NELL1: variants seen among roughly 807,000 people sequenced by gnomAD.
The protein encoded by NELL1 is protein kinase C-binding protein NELL1.
In NELL1, 76 loss-of-function variants were observed where a neutral mutation model predicts 107.4. That is an observed-to-expected ratio of 0.71 (90% CI 0.59 to 0.86). NELL1 has a LOEUF of 0.86. NELL1 is among the 40% of genes least tolerant of loss of function. NELL1 has a pLI of 0.00. For synonymous variants in NELL1, 353 were observed against 341.2 expected (o/e 1.03, Z -0.38); for missense variants, 1,024 against 1,005.5 (o/e 1.02, Z -0.25).
At chr11:21,090,144 T>C (rs986307286) in intron 12 of NELL1, among the ~76,000 whole-genome samples, 1 of 151,960 alleles carries the variant, frequency 6.6e-6, no homozygotes, top group African/African-American at 2.4e-5. Context: ...ATAAATAGAG[T>C]CTACAAAGAA....
At chr11:20,800,687 C>T (rs186171465) in intron 3 of NELL1, among the ~76,000 whole-genome samples, 346 of 152,250 alleles carry the variant, frequency 2.3e-3, no homozygotes, top group Non-Finnish European at 3.9e-3. Flanking sequence ...TGGAGAGCCT[C>T]ATCTCTAAGA....
At chr11:20,893,369 GTT>G (rs34392122) in intron 5 of NELL1, among the ~76,000 whole-genome samples, 1 of 144,544 alleles carries the variant, frequency 6.9e-6, no homozygotes. Context: ...TGTATCCCGT[GTT>G]TTTTTTTTTA....
intron 2 of NELL1, among the ~76,000 whole-genome samples, chr11:20,733,210 T>C (rs1219958938): frequency 6.6e-6 from 1 of 152,220 alleles, no homozygotes; most frequent in African/African-American, 2.4e-5. Context: ...TGTTCTCTCC[T>C]ACATCTGTTG....
intron 13 of NELL1, among the ~76,000 whole-genome samples, chr11:21,157,276 G>A (rs889653465): frequency 1.3e-5 from 2 of 151,548 alleles, no homozygotes; most frequent in Admixed American, 1.3e-4. Flanking sequence ...GCTTGTCCTT[G>A]CTGACTCACT....
chr11:20,817,894 T>C (rs1217445826), intron 3 of NELL1, among the ~76,000 whole-genome samples: 2 of 152,072 alleles, frequency 1.3e-5, no homozygotes, highest in Non-Finnish European at 1.5e-5. Context: ...CAGGAACTAG[T>C]TGTTTAATTT....
rs150601959 is a variant in NELL1, at chr11:21,444,946, G to A, written c.1645+73998G>A. 2.9e-3 allele frequency among the ~76,000 whole-genome samples: 440 copies of A among 152,080 alleles called. 2 individuals are homozygous for A. Among genetic ancestry groups the A allele is most frequent in the African/African-American group, 0.01 (423 of 41,518 alleles). On this transcript the variant is annotated intron_variant, in intron 15 of 19. Transcript: ENST00000357134. ...TTTAGGTATACATTGTACATTTTTA[G>A]ATTTGAGATTACCATGAGGTTTACA...
intron 13 of NELL1, among the ~76,000 whole-genome samples, chr11:21,182,788 G>A (rs890730462): frequency 6.6e-6 from 1 of 151,698 alleles, no homozygotes; most frequent in Non-Finnish European, 1.5e-5. Context: ...GTAAAGAGAG[G>A]CTGGCCAGCT....
At chr11:21,255,628 C>G (rs1164696800) in intron 14 of NELL1, among the ~76,000 whole-genome samples, 4 of 152,052 alleles carry the variant, frequency 2.6e-5, no homozygotes, top group African/African-American at 9.7e-5. Context: ...CCTGTGTCTC[C>G]TCTTCCTTTC....
intron 12 of NELL1, among the ~76,000 whole-genome samples, chr11:21,007,524 AGCTTTTT>A (rs1852355835): frequency 6.6e-6 from 1 of 151,992 alleles, no homozygotes; most frequent in Non-Finnish European, 1.5e-5. Flanking sequence ...CCTTGCCTGG[AGCTTTTT>A]GCATGCATAT....
intron 5 of NELL1, among the ~76,000 whole-genome samples, chr11:20,914,409 G>T (rs750464850): frequency 6.6e-6 from 1 of 152,024 alleles, no homozygotes; most frequent in Non-Finnish European, 1.5e-5. Context: ...TTTCTGATCG[G>T]CTATTGGTTG....
chr11:21,069,299 T>A (rs961678275), intron 12 of NELL1, among the ~76,000 whole-genome samples: 16 of 152,004 alleles, frequency 1.1e-4, no homozygotes, highest in Non-Finnish European at 1.8e-4. Flanking sequence ...TTAGAAAAAA[T>A]AAAAAAGAAA....
intron 3 of NELL1, among the ~76,000 whole-genome samples, chr11:20,829,736 G>T (rs77073475): frequency 0.015 from 2,244 of 151,964 alleles, 60 homozygotes; most frequent in African/African-American, 0.051. Context: ...CAGTTATTTT[G>T]TAGAATGGCC....
At chr11:20,902,174 A>G (rs1849889541) in intron 5 of NELL1, among the ~76,000 whole-genome samples, 2 of 152,080 alleles carry the variant, frequency 1.3e-5, no homozygotes, top group African/African-American at 2.4e-5. Context: ...GGTTTACTGC[A>G]TAAAATTCTA....
intron 14 of NELL1, among the ~76,000 whole-genome samples, chr11:21,317,652 T>C (rs1321050973): frequency 6.6e-6 from 1 of 151,944 alleles, no homozygotes; most frequent in Admixed American, 6.6e-5. Flanking sequence ...AAGTGAGTGG[T>C]ATAGGAAAGA....
chr11:21,341,148 A>G (rs971718826), intron 14 of NELL1, among the ~76,000 whole-genome samples: 12 of 152,148 alleles, frequency 7.9e-5, no homozygotes, highest in Admixed American at 7.2e-4. Flanking sequence ...GAAATATGAT[A>G]TGTCCTCTTC....
chr11:21,376,610 A>C (rs1851487036), intron 15 of NELL1, among the ~76,000 whole-genome samples: 1 of 152,074 alleles, frequency 6.6e-6, no homozygotes, highest in African/African-American at 2.4e-5. Flanking sequence ...TTTGATAGGA[A>C]AAACACTGAA....
At chr11:21,140,676 T>TA (rs1357129898) in intron 13 of NELL1, among the ~76,000 whole-genome samples, 2 of 152,172 alleles carry the variant, frequency 1.3e-5, no homozygotes, top group African/African-American at 2.4e-5. Context: ...GGTCATATCA[T>TA]AAAAAAGAGA....
intron 15 of NELL1, among the ~76,000 whole-genome samples, chr11:21,519,249 G>A (rs1023515699): frequency 2.0e-5 from 3 of 152,114 alleles, no homozygotes; most frequent in Non-Finnish European, 2.9e-5. Context: ...CTGGGAAAAA[G>A]GATGAAAATT....
intron 15 of NELL1, among the ~76,000 whole-genome samples, chr11:21,497,382 A>C (rs1412165138): frequency 3.3e-5 from 5 of 152,160 alleles, no homozygotes; most frequent in African/African-American, 1.2e-4. Context: ...GTCATATCCC[A>C]GTTTTTGTTA....
Sources: allele counts gnomAD v4.1 joint callset (sites outside exome capture counted in the v4.1 genomes callset), GRCh38; gene constraint gnomAD v4.1.1; transcripts MANE v1.5; gene names NCBI Gene and HGNC (gene_info 2026-07-23, HGNC 2026-07-21).